Variants in RSPO2 observed in about 807,000 individuals in gnomAD.
RSPO2 encodes the protein R-spondin-2.
Under a neutral mutation model 30.9 loss-of-function variants are expected in RSPO2, and 14 were observed. That is an observed-to-expected ratio of 0.45 (90% CI 0.30 to 0.71). RSPO2 has a LOEUF of 0.71. RSPO2 is among the 30% of genes least tolerant of loss of function. The probability of loss-of-function intolerance (pLI) is 0.08; values close to 1 mark genes in which losing one functional copy is unlikely to be tolerated. For synonymous variants in RSPO2, 107 were observed against 96.4 expected (o/e 1.11, Z -0.64); for missense variants, 264 against 301.9 (o/e 0.87, Z 0.93).
At chr8:107,962,722 GTAGT>G (rs1277493757) in intron 3 of RSPO2, among the ~76,000 whole-genome samples, 1 of 151,458 alleles carries the variant, frequency 6.6e-6, no homozygotes, top group Non-Finnish European at 1.5e-5. Context: ...CCTTCCTGCC[GTAGT>G]TATTTTCCAA....
Position 107,901,137 on chromosome 8 carries a change from GCTTC to G in RSPO2, c.666_669del (p.Arg222SerfsTer2). On this transcript the variant is annotated frameshift_variant, in exon 6 of 6. Coordinates refer to ENST00000276659, the MANE Select transcript of RSPO2 (RefSeq NM_178565.5). LOFTEE classifies it high-confidence loss of function. ...TGTTGCTCCTGGGCCCTTTCTATCAGCTTCCTTTTCTTTTTCTTGTTCCTCTTCT... is the reference window on the plus strand; with the variant it reads ...TGTTGCTCCTGGGCCCTTTCTATCAGCTTTTCTTTTTCTTGTTCCTCTTCT... 6.2e-7 allele frequency: 1 copy of G among 1,614,064 alleles called. No individual in the cohort carries two copies. The highest frequency in any genetic ancestry group is 8.5e-7 in the Non-Finnish European group (1 of 1,179,960).
At chr8:108,065,142 C>T (rs894223053) in intron 2 of RSPO2, among the ~76,000 whole-genome samples, 1 of 151,470 alleles carries the variant, frequency 6.6e-6, no homozygotes, top group Non-Finnish European at 1.5e-5. Flanking sequence ...GCGCATTGTG[C>T]ACATGTACCC....
intron 2 of RSPO2, among the ~76,000 whole-genome samples, chr8:108,077,280 GGAA>G (rs1247577277): frequency 6.6e-6 from 1 of 152,158 alleles, no homozygotes; most frequent in South Asian, 2.1e-4. Flanking sequence ...AGGAGGGAAG[GGAA>G]GAAGTGAAGG....
chr8:108,062,802 A>C (rs553123381), intron 2 of RSPO2, among the ~76,000 whole-genome samples: 1 of 151,968 alleles, frequency 6.6e-6, no homozygotes, highest in East Asian at 1.9e-4. Flanking sequence ...GGCAAACTGA[A>C]TCCAGCAGCA....
intron 2 of RSPO2, among the ~76,000 whole-genome samples, chr8:108,037,051 C>A (rs894887394): frequency 4.6e-5 from 7 of 152,244 alleles, no homozygotes; most frequent in Admixed American, 3.9e-4. Context: ...CAATTAGTAA[C>A]CCTACAGTGG....
chr8:108,061,333 G>C (rs934874572), intron 2 of RSPO2, among the ~76,000 whole-genome samples: 16 of 151,792 alleles, frequency 1.1e-4, no homozygotes, highest in Admixed American at 3.3e-4. Context: ...TAAAGGGATG[G>C]AGGAAGATCT....
intron 5 of RSPO2, among the ~76,000 whole-genome samples, chr8:107,921,492 ACTAT>A (rs1267463920): frequency 2.0e-5 from 3 of 152,114 alleles, no homozygotes; most frequent in Middle Eastern, 3.2e-3. Flanking sequence ...ACTGAAAGTA[ACTAT>A]CAACTTAGAT....
intron 2 of RSPO2, among the ~76,000 whole-genome samples, chr8:108,049,932 A>C (rs775096482): frequency 2.6e-5 from 4 of 152,178 alleles, no homozygotes; most frequent in Non-Finnish European, 2.9e-5. Context: ...ATAGAGTTAC[A>C]TATATCTTAG....
intron 2 of RSPO2, 39 bp from the exon 3 acceptor site, chr8:107,989,283 A>G (rs374388143): frequency 7.7e-5 from 109 of 1,416,118 alleles, no homozygotes; most frequent in Non-Finnish European, 1.0e-4. Flanking sequence ...AATTATCAGT[A>G]TAATCAGATT....
intron 3 of RSPO2, among the ~76,000 whole-genome samples, chr8:107,961,738 G>A (rs902175259): frequency 6.6e-6 from 1 of 152,226 alleles, no homozygotes. Flanking sequence ...GTAAGGTTTT[G>A]TAATAATATA....
At chr8:107,988,653 C>T (rs1383332505) in intron 3 of RSPO2, among the ~76,000 whole-genome samples, 1 of 151,954 alleles carries the variant, frequency 6.6e-6, no homozygotes, top group East Asian at 1.9e-4. Context: ...TTTGAGATGA[C>T]ATCTCACTGT....
At chr8:107,967,865 ATT>A (rs1458573607) in intron 3 of RSPO2, among the ~76,000 whole-genome samples, 1 of 152,138 alleles carries the variant, frequency 6.6e-6, no homozygotes, top group Non-Finnish European at 1.5e-5. Flanking sequence ...ACCACTTACT[ATT>A]GTGTGACTGT....
intron 2 of RSPO2, among the ~76,000 whole-genome samples, chr8:108,015,466 C>A (rs111314047): frequency 2.1e-4 from 32 of 152,150 alleles, no homozygotes; most frequent in African/African-American, 7.2e-4. Context: ...TCTCCTTGAG[C>A]AAACAGTAGT....
rs1056955136 is a variant in RSPO2, at chr8:107,922,833, A to C, written c.617-21643T>G. On this transcript the variant is annotated intron_variant, in intron 5 of 5. Coordinates refer to ENST00000276659, the MANE Select transcript of RSPO2 (RefSeq NM_178565.5). ...TTTATGAAGCTGACAAAAACAAGCA[A>C]TGGAGACAGAACTCTAGTCAATAAG... Among the ~76,000 whole-genome samples, 8 of 152,176 alleles carry C rather than the reference A, an allele frequency of 5.3e-5. No homozygotes were observed. The East Asian group carries it at 1.2e-3, about 22-fold the overall frequency.
chr8:108,058,513 G>C (rs964295371), intron 2 of RSPO2, among the ~76,000 whole-genome samples: 4 of 151,914 alleles, frequency 2.6e-5, no homozygotes, highest in African/African-American at 7.3e-5. Flanking sequence ...AGTTCATATG[G>C]AACCAAAAAA....
intron 5 of RSPO2, among the ~76,000 whole-genome samples, chr8:107,950,012 A>T (rs1263418914): frequency 2.6e-5 from 4 of 152,178 alleles, no homozygotes; most frequent in Non-Finnish European, 5.9e-5. Context: ...GTGTGACGAC[A>T]TCGTCCACCA....
At position 107,942,045 on chromosome 8, in the gene RSPO2, G is replaced by A. The variant is rs149809913; in HGVS notation, c.616+16035C>T. Among the ~76,000 whole-genome samples the A allele has an allele frequency of 2.8e-3, 428 of 152,200 alleles. 1 individual carries two copies. The highest frequency in any genetic ancestry group is 4.3e-3 in the Non-Finnish European group (293 of 68,008). ...TGCCAGCCTTTGAGGGTCAAGATTC[G>A]ATAGTAACTTAAGAGAATCAACTGA... is the stretch of plus-strand genomic sequence containing the variant. On this transcript the variant is annotated intron_variant, in intron 5 of 5. Transcript: ENST00000276659.
chr8:108,003,549 G>A (rs141425661), intron 2 of RSPO2, among the ~76,000 whole-genome samples: 347 of 151,456 alleles, frequency 2.3e-3, no homozygotes, highest in African/African-American at 8.1e-3. Flanking sequence ...TAACTTCACA[G>A]CAATCCATAC....
At chr8:108,041,203 C>CAAAA (rs55937336) in intron 2 of RSPO2, among the ~76,000 whole-genome samples, 1,541 of 99,968 alleles carry the variant, frequency 0.015, 33 homozygotes, top group African/African-American at 0.048. Flanking sequence ...CAAAAAGTGG[C>CAAAA]AAAAAAAAAA....
Sources: allele counts gnomAD v4.1 joint callset (sites outside exome capture counted in the v4.1 genomes callset), GRCh38; gene constraint gnomAD v4.1.1; transcripts MANE v1.5; gene names NCBI Gene and HGNC (gene_info 2026-07-23, HGNC 2026-07-21).